Variants in VPS53 observed in about 807,000 individuals in gnomAD.
VPS53 encodes the protein vacuolar protein sorting-associated protein 53 homolog.
A neutral mutation model predicts 107.0 loss-of-function variants in VPS53; 70 were observed. The observed-to-expected ratio is 0.65, with a 90% CI of 0.54 to 0.80. The LOEUF is 0.80. Ranked by LOEUF, VPS53 falls within the 30% of genes least tolerant of loss-of-function variation. The pLI is 0.00. For synonymous variants in VPS53, 409 were observed against 393.3 expected (o/e 1.04, Z -0.47); for missense variants, 917 against 1,049.4 (o/e 0.87, Z 1.74).
At chr17:652,229 G>A (rs907420730) in intron 7 of VPS53, among the ~76,000 whole-genome samples, 3 of 151,904 alleles carry the variant, frequency 2.0e-5, no homozygotes, top group South Asian at 2.1e-4. Context: ...TCCTGACCTC[G>A]GGTGATCCAC....
chr17:709,171 G>A (rs1401517510), intron 2 of VPS53, among the ~76,000 whole-genome samples: 1 of 140,176 alleles, frequency 7.1e-6, no homozygotes, highest in African/African-American at 2.5e-5. Flanking sequence ...AACCTGCCTG[G>A]TATCACGGCG....
intron 4 of VPS53, among the ~76,000 whole-genome samples, chr17:682,902 A>T (rs774587911): frequency 7.2e-6 from 1 of 139,212 alleles, no homozygotes; most frequent in African/African-American, 3.0e-5. Context: ...ATAATATGCT[A>T]AAGAATCTGG....
intron 17 of VPS53, among the ~76,000 whole-genome samples, chr17:549,005 C>T (rs1220305962): frequency 6.6e-6 from 1 of 152,128 alleles, no homozygotes; most frequent in African/African-American, 2.4e-5. Flanking sequence ...CTGATTTCCT[C>T]ATCTCTTATA....
At chr17:668,585 T>C (rs1390839185) in intron 4 of VPS53, among the ~76,000 whole-genome samples, 1 of 152,208 alleles carries the variant, frequency 6.6e-6, no homozygotes, top group Non-Finnish European at 1.5e-5. Flanking sequence ...AACAGAGGCC[T>C]CTGTAGGCAA....
At chr17:599,541 T>TG (rs1272735641) in intron 12 of VPS53, among the ~76,000 whole-genome samples, 1 of 150,554 alleles carries the variant, frequency 6.6e-6, no homozygotes, top group African/African-American at 2.4e-5. Context: ...GTTAAACAGA[T>TG]GCTTGAAGGC....
chr17:644,551 T>A (rs1970599815), intron 7 of VPS53, among the ~76,000 whole-genome samples: 1 of 152,080 alleles, frequency 6.6e-6, no homozygotes, highest in Non-Finnish European at 1.5e-5. Flanking sequence ...AAAATAAAAA[T>A]AAGAAGTTGT....
chr17:563,820 C>T lies in VPS53; in HGVS notation c.1314-1075G>A, dbSNP rs532401391. On this transcript the variant is annotated intron_variant, in intron 13 of 21. Coordinates refer to ENST00000437048, the MANE Select transcript of VPS53 (RefSeq NM_001128159.3). The stretch of plus-strand genomic sequence containing the variant: ...GATGTCAGCACATATTTAGACATCA[C>T]GAACCTAAATGTGCCCAAGAGACAG... Among the ~76,000 whole-genome samples the T allele has an allele frequency of 3.7e-4, 56 of 152,304 alleles. 1 individual carries two copies. Among genetic ancestry groups the T allele is most frequent in the South Asian group, 3.1e-3 (15 of 4,828 alleles).
At chr17:585,208 G>A (rs773885386) in intron 13 of VPS53, among the ~76,000 whole-genome samples, 6 of 152,220 alleles carry the variant, frequency 3.9e-5, no homozygotes, top group Non-Finnish European at 8.8e-5. Context: ...ACAAATCAAT[G>A]TGATGTGCCT....
chr17:688,061 TG>T (rs1453655113), intron 4 of VPS53, among the ~76,000 whole-genome samples: 1 of 152,090 alleles, frequency 6.6e-6, no homozygotes. Context: ...TTTCTAAAAA[TG>T]AGGGATTTTA....
intron 2 of VPS53, among the ~76,000 whole-genome samples, chr17:709,533 T>C (rs1973557745): frequency 1.3e-5 from 2 of 152,200 alleles, no homozygotes; most frequent in Non-Finnish European, 2.9e-5. Context: ...CTTACCGCAC[T>C]GTCCCACTGT....
intron 19 of VPS53, among the ~76,000 whole-genome samples, chr17:525,662 C>A (rs749074390): frequency 6.6e-6 from 1 of 151,652 alleles, no homozygotes; most frequent in Admixed American, 6.6e-5. Flanking sequence ...CCATTGCACC[C>A]CAGCCTGGGA....
Position 537,021 on chromosome 17 carries a change from G to A in VPS53, c.2015+7C>T. The A allele has an allele frequency of 6.2e-7, 1 of 1,614,136 alleles. No homozygotes were observed. Among genetic ancestry groups the A allele is most frequent in the South Asian group, 1.1e-5 (1 of 91,064 alleles). On this transcript the variant is annotated splice_region_variant and intron_variant, in intron 18 of 21. Transcript: ENST00000437048. ...GAACCCAGAGATGAGCACGCCCCAG[G>A]ACTTACTTTGCAAATTTAACGCAGA...
intron 12 of VPS53, among the ~76,000 whole-genome samples, chr17:587,416 A>G (rs1212037112): frequency 6.6e-6 from 1 of 152,210 alleles, no homozygotes; most frequent in Non-Finnish European, 1.5e-5. Flanking sequence ...AGCAGCATAT[A>G]GGCAGTACTT....
chr17:574,421 A>G lies in VPS53; in HGVS notation c.1314-11676T>C, dbSNP rs188375462. 9.5e-4 allele frequency among the ~76,000 whole-genome samples: 144 copies of G among 152,242 alleles called. 2 individuals are homozygous for G. The highest frequency in any genetic ancestry group is 3.4e-3 in the African/African-American group (141 of 41,536). ...ATAACTCAGAAAAATGACCCTTTAA[A>G]CCAGGTAGGTTTTGGGAAAGGATGT... On this transcript the variant is annotated intron_variant, in intron 13 of 21. Coordinates refer to ENST00000437048, the MANE Select transcript of VPS53 (RefSeq NM_001128159.3).
chr17:698,489 G>C (rs1457652740), intron 3 of VPS53, among the ~76,000 whole-genome samples: 1 of 151,496 alleles, frequency 6.6e-6, no homozygotes, highest in Non-Finnish European at 1.5e-5. Context: ...CAGATTGCTT[G>C]AGCTCAGCAG....
chr17:584,665 T>A (rs1156265182), intron 13 of VPS53, among the ~76,000 whole-genome samples: 1 of 152,014 alleles, frequency 6.6e-6, no homozygotes, highest in Non-Finnish European at 1.5e-5. Context: ...GGACTACAGG[T>A]GTGCATCACC....
intron 13 of VPS53, among the ~76,000 whole-genome samples, chr17:582,606 TC>T (rs1967089996): frequency 7.2e-6 from 1 of 139,222 alleles, no homozygotes; most frequent in Non-Finnish European, 1.5e-5. Context: ...CCTCAGAACC[TC>T]AACGCAGTCC....
chr17:539,988 C>T (rs973302149), intron 17 of VPS53, among the ~76,000 whole-genome samples: 5 of 151,956 alleles, frequency 3.3e-5, no homozygotes, highest in African/African-American at 1.2e-4. Flanking sequence ...AGCCCAAACC[C>T]GGTCTATCTA....
intron 15 of VPS53, among the ~76,000 whole-genome samples, chr17:557,867 T>C (rs2151846869): frequency 6.6e-6 from 1 of 150,644 alleles, no homozygotes; most frequent in Middle Eastern, 3.4e-3. Context: ...TTTTTTTTTT[T>C]TTTTTTTTTA....
Sources: allele counts gnomAD v4.1 joint callset (sites outside exome capture counted in the v4.1 genomes callset), GRCh38; gene constraint gnomAD v4.1.1; transcripts MANE v1.5; gene names NCBI Gene and HGNC (gene_info 2026-07-23, HGNC 2026-07-21).